STARD13: variants seen among roughly 807,000 people sequenced by gnomAD.
STARD13 encodes stAR-related lipid transfer protein 13.
In STARD13, 62 loss-of-function variants were observed where a neutral mutation model predicts 106.4. The observed-to-expected ratio is 0.58, with a 90% CI of 0.48 to 0.72. STARD13 has a LOEUF of 0.72. Among genes scored for constraint, STARD13 ranks in the 30% least tolerant of loss-of-function variants. STARD13 has a pLI of 0.00. For synonymous variants in STARD13, 565 were observed against 553.0 expected (o/e 1.02, Z -0.31); for missense variants, 1,387 against 1,424.0 (o/e 0.97, Z 0.42).
chr13:33,567,494 G>A, the STARD13 span, among the ~76,000 whole-genome samples: 8 of 148,178 alleles, frequency 5.4e-5, 1 homozygote, highest in Admixed American at 1.4e-4. Flanking sequence ...ATGGCCAAAC[G>A]TACACATTTA....
At chr13:33,503,099 T>C in the STARD13 span, among the ~76,000 whole-genome samples, 1 of 152,172 alleles carries the variant, frequency 6.6e-6, no homozygotes, top group Admixed American at 6.5e-5. Context: ...TTCTTCCTGG[T>C]TTAGGCTTAG....
intron 1 of STARD13, among the ~76,000 whole-genome samples, chr13:33,233,949 T>C (rs1889057243): frequency 6.6e-6 from 1 of 152,118 alleles, no homozygotes; most frequent in Non-Finnish European, 1.5e-5. Context: ...GCAGACCGAA[T>C]AGGTGGGGTG....
the STARD13 span, among the ~76,000 whole-genome samples, chr13:33,414,614 T>C: frequency 2.0e-5 from 3 of 151,740 alleles, no homozygotes; most frequent in African/African-American, 7.3e-5. Context: ...AAGAAAAGAA[T>C]TAGTAGTTGC....
intron 1 of STARD13, among the ~76,000 whole-genome samples, chr13:33,270,614 C>T (rs1328814291): frequency 6.6e-6 from 1 of 152,170 alleles, no homozygotes; most frequent in Non-Finnish European, 1.5e-5. Context: ...CATGTTAGGA[C>T]AAACGTGCTC....
intron 1 of STARD13, among the ~76,000 whole-genome samples, chr13:33,199,740 C>T (rs902771210): frequency 6.6e-6 from 1 of 152,126 alleles, no homozygotes; most frequent in African/African-American, 2.4e-5. Flanking sequence ...AATCAGGATG[C>T]CTCAGTGTTA....
chr13:33,598,607 C>T, the STARD13 span, among the ~76,000 whole-genome samples: 1 of 152,180 alleles, frequency 6.6e-6, no homozygotes, highest in East Asian at 1.9e-4. Context: ...CTCTCCTCTG[C>T]CATTTTAATA....
chr13:33,411,853 C>A, the STARD13 span, among the ~76,000 whole-genome samples: 1 of 152,008 alleles, frequency 6.6e-6, no homozygotes, highest in Non-Finnish European at 1.5e-5. Context: ...AACCCAGGAT[C>A]CTATATCAGC....
intron 1 of STARD13, among the ~76,000 whole-genome samples, chr13:33,263,750 G>A (rs1890757896): frequency 6.6e-6 from 1 of 152,170 alleles, no homozygotes; most frequent in East Asian, 1.9e-4. Context: ...GATTCTAGTT[G>A]GAGCATTCAG....
the STARD13 span, among the ~76,000 whole-genome samples, chr13:33,656,539 G>C: frequency 1.3e-5 from 2 of 152,132 alleles, no homozygotes; most frequent in African/African-American, 4.8e-5. Context: ...TCTAGCTCTC[G>C]TTCCTCATTG....
chr13:33,392,696 G>A, the STARD13 span, among the ~76,000 whole-genome samples: 13 of 152,224 alleles, frequency 8.5e-5, no homozygotes, highest in Middle Eastern at 3.4e-3. Flanking sequence ...CACTGTGCCC[G>A]GCCTGGTAAT....
At chr13:33,150,935 T>C (rs1881188969) in intron 3 of STARD13, among the ~76,000 whole-genome samples, 1 of 152,306 alleles carries the variant, frequency 6.6e-6, no homozygotes, top group South Asian at 2.1e-4. Flanking sequence ...AGTTAGGTGC[T>C]GGGAATACAG....
chr13:33,405,619 T>C, the STARD13 span, among the ~76,000 whole-genome samples: 27 of 152,254 alleles, frequency 1.8e-4, no homozygotes, highest in African/African-American at 6.3e-4. Context: ...ATTTAGAAAA[T>C]TAACATAAGT....
chr13:33,410,753 T>TA, the STARD13 span, among the ~76,000 whole-genome samples: 1 of 152,216 alleles, frequency 6.6e-6, no homozygotes, highest in Non-Finnish European at 1.5e-5. Context: ...CCTGCGTTCA[T>TA]CTTTTTCTGG....
the STARD13 span, among the ~76,000 whole-genome samples, chr13:33,639,547 T>C: frequency 1.3e-5 from 2 of 152,192 alleles, no homozygotes; most frequent in African/African-American, 4.8e-5. Flanking sequence ...AAGAAGGGAA[T>C]GATCCAGTTT....
chr13:33,402,629 T>C, the STARD13 span, among the ~76,000 whole-genome samples: 1 of 152,054 alleles, frequency 6.6e-6, no homozygotes, highest in South Asian at 2.1e-4. Context: ...CCTGTACCCA[T>C]ATAAATCCCA....
chr13:33,210,450 C>T (rs1887656411), intron 1 of STARD13, among the ~76,000 whole-genome samples: 1 of 152,196 alleles, frequency 6.6e-6, no homozygotes, highest in Admixed American at 6.6e-5. Flanking sequence ...GAACAAGTTA[C>T]TTGCAGTCTC....
rs546456830 is a variant in STARD13, at chr13:33,185,989, C to T, written c.170-18367G>A. The T allele has an allele frequency of 4.0e-5, 64 of 1,614,172 alleles. No individual in the cohort carries two copies. The East Asian group carries it at 1.0e-3, about 26-fold the overall frequency. ...AAGCACCACAAAGGGGCCTGGTTAA[C>T]GTTTGCATGGAGAACTGAGGAGGGT... On this transcript the variant is annotated intron_variant, in intron 1 of 13. Transcript: ENST00000336934.
the STARD13 span, among the ~76,000 whole-genome samples, chr13:33,521,252 C>T: frequency 1.3e-5 from 2 of 152,170 alleles, no homozygotes; most frequent in South Asian, 4.2e-4. Context: ...TAGGGTTATG[C>T]AGGCTAGCCT....
chr13:33,587,955 G>A, the STARD13 span, among the ~76,000 whole-genome samples: 13 of 152,036 alleles, frequency 8.6e-5, no homozygotes, highest in South Asian at 4.1e-4. Context: ...TAAAATCAAC[G>A]TCTCCTTTTT....
Sources: allele counts gnomAD v4.1 joint callset (sites outside exome capture counted in the v4.1 genomes callset), GRCh38; gene constraint gnomAD v4.1.1; transcripts MANE v1.5; gene names NCBI Gene and HGNC (gene_info 2026-07-23, HGNC 2026-07-21).